The following SIPA1L2 variants were observed in gnomAD, a reference collection of about 807,000 sequenced individuals.
The protein encoded by SIPA1L2 is signal-induced proliferation-associated 1-like protein 2.
SIPA1L2 carries 56 observed loss-of-function variants against 163.9 expected under a neutral mutation model. The ratio of observed to expected loss-of-function variants is 0.34; its 90% CI spans 0.28 to 0.43. The LOEUF (loss-of-function observed/expected upper bound fraction) is 0.43, where lower values mean the gene tolerates loss of function less well. SIPA1L2 is among the 20% of genes least tolerant of loss of function. The probability of loss-of-function intolerance (pLI) is 1.00; values close to 1 mark genes in which losing one functional copy is unlikely to be tolerated. For synonymous variants in SIPA1L2, 877 were observed against 865.7 expected (o/e 1.01, Z -0.23); for missense variants, 1,974 against 2,193.5 (o/e 0.90, Z 2.00).
rs77173839 is a variant in SIPA1L2, at chr1:232,616,987, T to C, written c.-319+12882A>G. 6.2e-4 allele frequency among the ~76,000 whole-genome samples: 94 copies of C among 152,364 alleles called. No individual in the cohort carries two copies. In the East Asian group the frequency reaches 0.013, roughly 22 times the overall value. On this transcript the variant is annotated intron_variant, in intron 1 of 22. Coordinates refer to ENST00000674635, the MANE Select transcript of SIPA1L2 (RefSeq NM_020808.5). ...TCTGTATTTTTTCAGGGCTAATTGA[T>C]TAGTCTCCTTCACATATTATCATAA...
At chr1:232,412,954 G>T (rs931200506) in intron 19 of SIPA1L2, among the ~76,000 whole-genome samples, 1 of 152,128 alleles carries the variant, frequency 6.6e-6, no homozygotes. Context: ...TTGGCAAATA[G>T]AATATTACAT....
chr1:232,433,406 G>A (rs1662366099), intron 15 of SIPA1L2, among the ~76,000 whole-genome samples: 4 of 152,304 alleles, frequency 2.6e-5, no homozygotes, highest in Middle Eastern at 3.4e-3. Context: ...AGCCAGGTTA[G>A]TGGCTACCTC....
Position 232,515,156 on chromosome 1 carries a change from C to T in SIPA1L2, c.184G>A (p.Gly62Ser), listed in dbSNP as rs1159758398. Residue 62 changes from glycine (G) to serine (S), a missense_variant, in exon 3 of 23, where the codon GGT becomes AGT. Coordinates refer to ENST00000674635, the MANE Select transcript of SIPA1L2 (RefSeq NM_020808.5). ...NASNSNETGG[G>S]GPANGTPAVP... ...GCTGGGGTACCATTAGCCGGACCAC[C>T]ACCGCCAGTCTCATTGGAATTCGAG... 3 of 1,613,922 alleles carry T rather than the reference C, an allele frequency of 1.9e-6. No individual in the cohort carries two copies. The highest frequency in any genetic ancestry group is 2.7e-5 in the African/African-American group (2 of 74,918).
At chr1:232,459,448 T>C (rs1664110540) in intron 10 of SIPA1L2, among the ~76,000 whole-genome samples, 4 of 152,228 alleles carry the variant, frequency 2.6e-5, no homozygotes, top group Admixed American at 2.6e-4. Context: ...ACAATCCTAC[T>C]ATCTTTGGAT....
chr1:232,594,430 C>A (rs1377656384), intron 1 of SIPA1L2, among the ~76,000 whole-genome samples: 2 of 152,080 alleles, frequency 1.3e-5, no homozygotes. Flanking sequence ...CGTGAGTGAA[C>A]ACCGAGCGGA....
At chr1:232,429,491 T>C (rs976170563) in intron 16 of SIPA1L2, among the ~76,000 whole-genome samples, 3 of 152,102 alleles carry the variant, frequency 2.0e-5, no homozygotes, top group Middle Eastern at 3.2e-3. Flanking sequence ...TGCTCAAAAT[T>C]AAGAAGGATT....
At chr1:232,571,686 C>T (rs6679442) in intron 2 of SIPA1L2, among the ~76,000 whole-genome samples, 5,777 of 152,226 alleles carry the variant, frequency 0.038, 254 homozygotes, top group African/African-American at 0.11. Flanking sequence ...GGCTTAGCAC[C>T]GTCCCCTTGG....
chr1:232,525,637 G>A lies in SIPA1L2; in HGVS notation c.-269-10029C>T, dbSNP rs1342493195. 2.6e-5 allele frequency among the ~76,000 whole-genome samples: 4 copies of A among 152,032 alleles called. No homozygotes were observed. In the East Asian group the frequency reaches 5.8e-4, roughly 22 times the overall value. ...GGTGCACTGCAAGGCTGCTCATGTC[G>A]TAGACAGCACAAAAGATTAAGAATT... On this transcript the variant is annotated intron_variant, in intron 2 of 22. Transcript: ENST00000674635.
At chr1:232,420,266 C>A (rs184245284) in intron 18 of SIPA1L2, among the ~76,000 whole-genome samples, 2 of 151,362 alleles carry the variant, frequency 1.3e-5, no homozygotes, top group Admixed American at 1.3e-4. Context: ...GTGGCTGCAG[C>A]GAGCCAAGAT....
At position 232,398,757 on chromosome 1, in the gene SIPA1L2, G is replaced by T. The variant is rs1660162730; in HGVS notation, c.*370C>A. 5.7e-6 allele frequency: 1 copy of T among 176,494 alleles called. No homozygotes were observed. The highest frequency in any genetic ancestry group is 5.8e-5 in the Admixed American group (1 of 17,364). 10.9% of individuals were successfully genotyped at this position (176,494 alleles called of 1,614,324 possible). A position where few individuals can be genotyped will look rare whatever the true frequency, so the allele number is the denominator to read the frequency against. ...ACTAAAGCCCAAACTATGGTAAATT[G>T]CTTTACATCTCTACCAGGTCACCTG... On this transcript the variant is annotated 3_prime_UTR_variant, in exon 23 of 23. Coordinates refer to ENST00000674635, the MANE Select transcript of SIPA1L2 (RefSeq NM_020808.5).
At position 232,625,049 on chromosome 1, in the gene SIPA1L2, G is replaced by A. The variant is rs74145307; in HGVS notation, c.-319+4820C>T. Among the ~76,000 whole-genome samples, 830 of 152,296 alleles carry A rather than the reference G, an allele frequency of 5.4e-3. 8 individuals are homozygous for A. Among genetic ancestry groups the A allele is most frequent in the African/African-American group, 0.019 (773 of 41,570 alleles). On this transcript the variant is annotated intron_variant, in intron 1 of 22. Transcript: ENST00000674635. ...TAATCATATGCAGAAGAGAGTGCTCGTTACTAGGGACACACTGAAAATGAA... is the reference window on the plus strand; with the variant it reads ...TAATCATATGCAGAAGAGAGTGCTCATTACTAGGGACACACTGAAAATGAA...
At chr1:232,524,801 C>T (rs1667617264) in intron 2 of SIPA1L2, among the ~76,000 whole-genome samples, 1 of 152,062 alleles carries the variant, frequency 6.6e-6, no homozygotes, top group African/African-American at 2.4e-5. Flanking sequence ...CATAAAAATA[C>T]AGGAAAGAAA....
In SIPA1L2 at chr1:232,515,230, T is replaced by C. The variant is rs1399036220; in HGVS notation, c.110A>G (p.Lys37Arg). ...IMQSDDYFAR[K>R]FKAINGNMGP... ...CATGTTGCCATTAATGGCTTTAAAT[T>C]TCCGAGCAAAATAATCATCTGACTG... is the stretch of plus-strand genomic sequence containing the variant. The change falls in exon 3 of 23, where the codon AAA becomes AGA. Residue 37 changes from lysine (K) to arginine (R), a missense_variant. Coordinates refer to ENST00000674635, the MANE Select transcript of SIPA1L2 (RefSeq NM_020808.5). The C allele has an allele frequency of 1.9e-6, 3 of 1,614,132 alleles. No individual in the cohort carries two copies. The highest frequency in any genetic ancestry group is 2.5e-6 in the Non-Finnish European group (3 of 1,180,032).
intron 2 of SIPA1L2, among the ~76,000 whole-genome samples, chr1:232,555,082 CAT>C (rs756190917): frequency 1.2e-4 from 19 of 152,290 alleles, no homozygotes; most frequent in South Asian, 6.2e-4. Flanking sequence ...ACAATACAAA[CAT>C]GTGAAAAACT....
intron 1 of SIPA1L2, among the ~76,000 whole-genome samples, chr1:232,594,369 G>A (rs969493958): frequency 6.6e-6 from 1 of 152,098 alleles, no homozygotes; most frequent in Non-Finnish European, 1.5e-5. Context: ...AAAAACAAGG[G>A]GAAAAGTTGA....
chr1:232,441,052 G>A (rs761798685), intron 14 of SIPA1L2, among the ~76,000 whole-genome samples: 2 of 152,242 alleles, frequency 1.3e-5, no homozygotes, highest in Non-Finnish European at 2.9e-5. Context: ...CTACTGCACT[G>A]GATATTGAGG....
At chr1:232,450,764 T>G (rs140761118) in intron 10 of SIPA1L2, among the ~76,000 whole-genome samples, 225 of 152,388 alleles carry the variant, frequency 1.5e-3, no homozygotes, top group African/African-American at 5.2e-3. Flanking sequence ...ACTTAATTCA[T>G]GCCCATAGAC....
chr1:232,577,172 T>C (rs1035956600), intron 1 of SIPA1L2, among the ~76,000 whole-genome samples: 1 of 152,196 alleles, frequency 6.6e-6, no homozygotes, highest in Non-Finnish European at 1.5e-5. Flanking sequence ...CAAAAATCTT[T>C]GGGCCCTTAA....
chr1:232,526,337 G>A (rs1422316905), intron 2 of SIPA1L2, among the ~76,000 whole-genome samples: 2 of 151,560 alleles, frequency 1.3e-5, no homozygotes, highest in East Asian at 2.0e-4. Context: ...CTAACCCAGC[G>A]GTCCCCAACA....
Sources: gnomAD v4.1 joint callset for allele counts (sites outside exome capture counted in the v4.1 genomes callset) on GRCh38, gnomAD v4.1.1 for gene constraint, MANE v1.5 for transcripts, NCBI Gene and HGNC (gene_info 2026-07-23, HGNC 2026-07-21) for gene names.